Variants in DBH observed in about 807,000 individuals in gnomAD.
DBH encodes the protein dopamine beta-hydroxylase, also known as dopamine beta-hydroxylase (dopamine beta-monooxygenase).
In DBH, 49 loss-of-function variants were observed where a neutral mutation model predicts 64.0. The observed-to-expected ratio is 0.77, with a 90% CI of 0.61 to 0.97. DBH has a LOEUF of 0.97. DBH is among the 50% of genes least tolerant of loss of function. DBH has a pLI of 0.00. For missense variants in DBH, 828 were observed against 826.6 expected (o/e 1.00, Z -0.02); for synonymous variants, 343 against 347.1 (o/e 0.99, Z 0.13).
In DBH at chr9:133,648,031, G is replaced by GGCACT. The variant is rs1180486952; in HGVS notation, c.1191+24_1191+28dup. On this transcript the variant is annotated intron_variant, in intron 6 of 11. Coordinates refer to ENST00000393056, the MANE Select transcript of DBH (RefSeq NM_000787.4). The stretch of plus-strand genomic sequence containing the variant: ...CCAGCTGGTGAGTGGGGCTGGGCCC[G>GGCACT]GCACTGCACCCTCCCTCCTCCCGCG... 63 of 1,605,242 alleles carry GGCACT rather than the reference G, an allele frequency of 3.9e-5. No individual in the cohort carries two copies. The Middle Eastern group carries it at 5.4e-4, about 14-fold the overall frequency.
chr9:133,650,499 C>A (rs1404024988), intron 6 of DBH, among the ~76,000 whole-genome samples: 1 of 130,878 alleles, frequency 7.6e-6, no homozygotes, highest in Non-Finnish European at 1.6e-5. Context: ...TCTTTTCTTT[C>A]CTTTCTTTCT....
chr9:133,640,147 G>A (rs1832101766), intron 2 of DBH, among the ~76,000 whole-genome samples, 155 bp downstream of exon 2: 2 of 152,250 alleles, frequency 1.3e-5, no homozygotes, highest in Admixed American at 6.5e-5. Context: ...GATGGCCAGA[G>A]GCAGTGGTGG....
intron 2 of DBH, among the ~76,000 whole-genome samples, chr9:133,641,270 C>T (rs371530512): frequency 2.0e-5 from 3 of 152,128 alleles, no homozygotes; most frequent in African/African-American, 7.2e-5. Context: ...CCCAGGGGTT[C>T]GGGGTGTGCT....
At chr9:133,656,159 A>G (rs1832314822) in intron 9 of DBH, 4 of 340,586 alleles carry the variant, frequency 1.2e-5, no homozygotes, top group Non-Finnish European at 2.3e-5. Context: ...CGCTGGGTGC[A>G]CTCAGGCTGT....
chr9:133,650,976 T>A (rs1271877418), intron 6 of DBH, among the ~76,000 whole-genome samples: 1 of 152,260 alleles, frequency 6.6e-6, no homozygotes, highest in Non-Finnish European at 1.5e-5. Flanking sequence ...ATCTTTTCTG[T>A]GAGGCCGGCC....
intron 6 of DBH, among the ~76,000 whole-genome samples, chr9:133,649,764 G>C (rs1047098606): frequency 6.6e-6 from 1 of 152,228 alleles, no homozygotes; most frequent in Non-Finnish European, 1.5e-5. Flanking sequence ...GGGGAAGAGC[G>C]GCTTCCGGCC....
chr9:133,641,891 A>G (rs1217185638), intron 2 of DBH, among the ~76,000 whole-genome samples: 1 of 152,228 alleles, frequency 6.6e-6, no homozygotes, highest in Non-Finnish European at 1.5e-5. Flanking sequence ...GGTGGAGGGA[A>G]CAAATGTTCC....
chr9:133,638,696 G>A (rs1174126088), intron 1 of DBH, among the ~76,000 whole-genome samples: 1 of 152,170 alleles, frequency 6.6e-6, no homozygotes, highest in African/African-American at 2.4e-5. Context: ...TCTCACACAC[G>A]TGTGAATGTT....
intron 1 of DBH, among the ~76,000 whole-genome samples, chr9:133,638,111 C>A (rs577694712): frequency 1.3e-5 from 2 of 152,370 alleles, no homozygotes; most frequent in South Asian, 4.1e-4. Context: ...CAGAGGAAGC[C>A]AGGTGACTTT....
Position 133,658,521 on chromosome 9 carries a change from G to C in DBH, c.*74G>C. The C allele has an allele frequency of 1.4e-6, 2 of 1,467,734 alleles. No individual in the cohort carries two copies. Among genetic ancestry groups the C allele is most frequent in the Non-Finnish European group, 9.1e-7 (1 of 1,098,232 alleles). The allele number at this position is 1,467,734 out of a possible 1,614,324, so 90.9% of individuals were successfully genotyped here. A position where few individuals can be genotyped will look rare whatever the true frequency, so the allele number is the denominator to read the frequency against. ...ACCGGCACTGTGCACTCTACTCTGC[G>C]ACGATCCCCATGGAACAGCCCTGCA... is the stretch of plus-strand genomic sequence containing the variant. On this transcript the variant is annotated 3_prime_UTR_variant, in exon 12 of 12. Coordinates refer to ENST00000393056, the MANE Select transcript of DBH (RefSeq NM_000787.4).
intron 5 of DBH, 47 bp downstream of exon 5, chr9:133,644,367 T>C (rs1832157164): frequency 1.3e-6 from 2 of 1,498,462 alleles, no homozygotes; most frequent in Admixed American, 1.7e-5. Context: ...AGGACTCAGC[T>C]GTGTTGAGCC....
At chr9:133,657,746 A>C (rs1252274473) in intron 11 of DBH, among the ~76,000 whole-genome samples, 1 of 152,048 alleles carries the variant, frequency 6.6e-6, no homozygotes, top group Non-Finnish European at 1.5e-5. Context: ...AAGGCATCTA[A>C]TTTATCCTGG....
chr9:133,642,561 T>C, intron 3 of DBH, 97 bp downstream of exon 3: 1 of 1,442,918 alleles, frequency 6.9e-7, no homozygotes, highest in Non-Finnish European at 9.4e-7. Flanking sequence ...CAGTCCTGGT[T>C]GGACCAGGTG....
At chr9:133,647,798 G>A in intron 5 of DBH, 48 bp from the exon 6 acceptor site, 1 of 1,609,664 alleles carries the variant, frequency 6.2e-7, no homozygotes, top group Non-Finnish European at 8.5e-7. Context: ...GGGGAAGTGA[G>A]AGGGCCTCCA....
rs75512464 is a variant in DBH at position 133,658,365 on chromosome 9, A to C, written c.1772A>C (p.Glu591Ala). The change falls in exon 12 of 12, where the codon GAG becomes GCG. Residue 591 changes from glutamate (E) to alanine (A), a missense_variant. Physicochemically the swap from Glu to Ala is moderately radical, Grantham distance 107 (BLOSUM62 -1). Coordinates refer to ENST00000393056, the MANE Select transcript of DBH (RefSeq NM_000787.4). ...PLPKVISTLE[E>A]PTPQCPTSQG... Reference sequence around the variant, plus strand: ...CCCAAGGTCATCTCCACACTGGAAGAGCCCACCCCACAGTGCCCCACCAGC... The same window carrying C: ...CCCAAGGTCATCTCCACACTGGAAGCGCCCACCCCACAGTGCCCCACCAGC... 1 of 1,613,750 alleles carries C rather than the reference A, an allele frequency of 6.2e-7. No individual in the cohort carries two copies. Among genetic ancestry groups the C allele is most frequent in the South Asian group, 1.1e-5 (1 of 91,052 alleles).
At chr9:133,640,032 C>A in intron 2 of DBH, 40 bp downstream of exon 2, 2 of 1,611,194 alleles carry the variant, frequency 1.2e-6, no homozygotes, top group Non-Finnish European at 1.7e-6. Flanking sequence ...GCGTGGGCTG[C>A]GTGTATCATG....
chr9:133,651,046 G>A (rs962765866), intron 6 of DBH, among the ~76,000 whole-genome samples: 1 of 152,246 alleles, frequency 6.6e-6, no homozygotes, highest in African/African-American at 2.4e-5. Context: ...GGTCCTGGAT[G>A]ACCACCTTCC....
chr9:133,653,324 C>T (rs113776401), intron 9 of DBH, among the ~76,000 whole-genome samples: 6 of 152,270 alleles, frequency 3.9e-5, no homozygotes, highest in African/African-American at 9.6e-5. Context: ...TCTCAGCACC[C>T]GGGGCTGGTG....
chr9:133,656,662 C>A lies in DBH; in HGVS notation c.1562+12C>A. 1 of 1,611,010 alleles carries A rather than the reference C, an allele frequency of 6.2e-7. No homozygotes were observed. Among genetic ancestry groups the A allele is most frequent in the Non-Finnish European group, 8.5e-7 (1 of 1,179,860 alleles). ...CACCTCATCAACAGGTGAGGGCTCC[C>A]TGCACAAGCTCCCTGCCCCCAGGGA... On this transcript the variant is annotated intron_variant, in intron 10 of 11. Coordinates refer to ENST00000393056, the MANE Select transcript of DBH (RefSeq NM_000787.4).
Sources: gnomAD v4.1 joint callset for allele counts (sites outside exome capture counted in the v4.1 genomes callset) on GRCh38, gnomAD v4.1.1 for gene constraint, MANE v1.5 for transcripts, NCBI Gene and HGNC (gene_info 2026-07-23, HGNC 2026-07-21) for gene names.